The following SFRP2 variants were observed in gnomAD, a reference collection of about 807,000 sequenced individuals.
The protein encoded by SFRP2 is secreted frizzled-related protein 2.
In SFRP2, 16 loss-of-function variants were observed where a neutral mutation model predicts 26.0. The observed-to-expected ratio is 0.61, with a 90% CI of 0.42 to 0.93. The LOEUF is 0.93. Ranked by LOEUF, SFRP2 falls within the 40% of genes least tolerant of loss-of-function variation. The pLI, the probability that SFRP2 is intolerant of heterozygous loss-of-function variation, is 0.00. For missense variants in SFRP2, 343 were observed against 392.4 expected, an observed-to-expected ratio of 0.87 and a Z score of 1.06; for synonymous variants, 173 against 167.3, an observed-to-expected ratio of 1.03 and a Z score of -0.26.
intron 1 of SFRP2, among the ~76,000 whole-genome samples, chr4:153,787,401 A>G (rs1314851168): frequency 2.0e-5 from 3 of 152,248 alleles, no homozygotes. Flanking sequence ...TAGGAAAACT[A>G]CTAGAGATTG....
intron 2 of SFRP2, 150 bp from the exon 3 acceptor site, chr4:153,781,905 G>A: frequency 2.9e-6 from 2 of 687,798 alleles, no homozygotes; most frequent in Admixed American, 2.7e-5. Flanking sequence ...CAGATCGGGG[G>A]TTGGGAGCTA....
Position 153,788,992 on chromosome 4 carries a change from A to C in SFRP2, c.-157T>G. 22 of 692,494 alleles carry C rather than the reference A, an allele frequency of 3.2e-5. No individual in the cohort carries two copies. The highest frequency in any genetic ancestry group is 8.4e-5 in the East Asian group (2 of 23,784). The allele number at this position is 692,494 out of a possible 1,614,324, so 42.9% of individuals were successfully genotyped here. On this transcript the variant is annotated 5_prime_UTR_variant, in exon 1 of 3. Transcript: ENST00000274063. ...CGGCTGGGGCGCGGAGAAGCGGGAC[A>C]CCGGGAGGACAGCGCGGGCGAGGCG...
chr4:153,783,958 G>A (rs191087002), intron 2 of SFRP2, among the ~76,000 whole-genome samples: 3 of 152,240 alleles, frequency 2.0e-5, no homozygotes, highest in African/African-American at 7.2e-5. Flanking sequence ...TGTTTTGAAA[G>A]GCTTTCTCTC....
Position 153,788,427 on chromosome 4 carries a change from G to A in SFRP2, c.409C>T (p.Pro137Ser). ...PVMSAFGFPW[P>S]DMLECDRFPQ... is the part of the protein sequence containing the mutation. ...AAACGGTCGCACTCAAGCATGTCGGGCCAGGGGAAGCCGAAGGCGGACATG... is the reference window on the plus strand; with the variant it reads ...AAACGGTCGCACTCAAGCATGTCGGACCAGGGGAAGCCGAAGGCGGACATG... Residue 137 changes from proline to serine, a missense_variant, in exon 1 of 3, where the codon CCC becomes TCC. Transcript: ENST00000274063. 6.2e-7 allele frequency: 1 copy of A among 1,614,128 alleles called. No homozygotes were observed.
Position 153,788,371 on chromosome 4 carries a change from G to A in SFRP2, c.465C>T (p.Leu155=), listed in dbSNP as rs145111028. The A allele has an allele frequency of 1.3e-4, 202 of 1,613,200 alleles. No homozygotes were observed. Among genetic ancestry groups the A allele is most frequent in the Middle Eastern group, 9.9e-4 (6 of 6,060 alleles). Residue 155 remains leucine (L), a synonymous_variant, in exon 1 of 3, where the codon CTC becomes CTT. Transcript: ENST00000274063. ...FPQDNDLCIP[L]ASSDHLLPAT... The stretch of plus-strand genomic sequence containing the variant: ...CTGGCAGGAGGTGGTCGCTGCTAGC[G>A]AGGGGGATGCAAAGGTCGTTGTCCT...
chr4:153,786,039 G>A (rs1741202725), intron 1 of SFRP2, 95 bp from the exon 2 acceptor site: 1 of 617,752 alleles, frequency 1.6e-6, no homozygotes, highest in Non-Finnish European at 2.7e-6. Context: ...CCAGACAAAA[G>A]TAGCAATTGT....
intron 2 of SFRP2, among the ~76,000 whole-genome samples, chr4:153,785,407 T>C (rs1741186648): frequency 6.6e-6 from 1 of 152,010 alleles, no homozygotes. Flanking sequence ...AAAATCATTA[T>C]GGGTTATAAA....
chr4:153,788,346 C>T lies in SFRP2; in HGVS notation c.490G>A (p.Ala164Thr). ...PLASSDHLLP[A>T]TEEAPKVCEA... Reference sequence around the variant, plus strand: ...AGGGAAGGCTTACCTTCCTCGGTGGCTGGCAGGAGGTGGTCGCTGCTAGCG... The same window carrying T: ...AGGGAAGGCTTACCTTCCTCGGTGGTTGGCAGGAGGTGGTCGCTGCTAGCG... Residue 164 changes from alanine (A) to threonine (T), a missense_variant, in exon 1 of 3, where the codon GCC (alanine) becomes ACC (threonine). Physicochemically the swap from Ala to Thr is moderately conservative, Grantham distance 58 (BLOSUM62 0). Coordinates refer to ENST00000274063, the MANE Select transcript of SFRP2 (RefSeq NM_003013.3). The T allele has an allele frequency of 1.2e-6, 2 of 1,609,898 alleles. No individual in the cohort carries two copies.
intron 1 of SFRP2, among the ~76,000 whole-genome samples, chr4:153,788,019 AT>A (rs888905808): frequency 1.1e-3 from 165 of 151,478 alleles, no homozygotes; most frequent in African/African-American, 3.3e-3. Context: ...TCGTGTATCT[AT>A]TTTTTTTTAA....
Position 153,781,485 on chromosome 4 carries a change from C to G in SFRP2, c.854G>C (p.Arg285Pro). 6.2e-7 allele frequency: 1 copy of G among 1,613,824 alleles called. No individual in the cohort carries two copies. The change falls in exon 3 of 3, where the codon CGC becomes CCC. Residue 285 changes from arginine (R) to proline (P), a missense_variant. This residue lies in a region of SFRP2 where 92 missense variants were observed against 139.0 expected (regional missense o/e 0.66). Transcript: ENST00000274063. ...CAGCTTGCGGATGCTGCGGGAGATG[C>G]GCTTGAACTCTCTCTGCCCCTTCTG... is the stretch of plus-strand genomic sequence containing the variant. ...RWQKGQREFKRISRSIRKLQC is the reference protein window; with the variant it reads ...RWQKGQREFKPISRSIRKLQC
rs1741108934 is a variant in SFRP2, at chr4:153,780,971, T to A, written c.*480A>T. On this transcript the variant is annotated 3_prime_UTR_variant, in exon 3 of 3. Transcript: ENST00000274063. Reference sequence around the variant, plus strand: ...ACACTGAGTCTCAGTCTGGAGCTGATGAAGATGTTGAGATAACAGCCAGCT... The same window carrying A: ...ACACTGAGTCTCAGTCTGGAGCTGAAGAAGATGTTGAGATAACAGCCAGCT... The A allele has an allele frequency of 1.2e-5, 2 of 164,416 alleles. No individual in the cohort carries two copies. The highest frequency in any genetic ancestry group is 1.7e-4 in the East Asian group (1 of 5,950). 10.2% of individuals were successfully genotyped at this position (164,416 alleles called of 1,614,324 possible).
At chr4:153,784,096 A>G (rs2405204) in intron 2 of SFRP2, among the ~76,000 whole-genome samples, 108,481 of 152,100 alleles carry the variant, frequency 0.71, 38,666 homozygotes, top group East Asian at 0.79. Flanking sequence ...GTGTGTGTGC[A>G]TGTTTCCCAA....
intron 1 of SFRP2, among the ~76,000 whole-genome samples, chr4:153,787,971 G>T (rs142800086): frequency 6.6e-6 from 1 of 152,180 alleles, no homozygotes; most frequent in East Asian, 1.9e-4. Context: ...CACTTCCAAC[G>T]CTCTGCGCAG....
chr4:153,785,410 G>GT (rs1741186766), intron 2 of SFRP2, among the ~76,000 whole-genome samples: 1 of 151,852 alleles, frequency 6.6e-6, no homozygotes, highest in South Asian at 2.1e-4. Flanking sequence ...ATCATTATGG[G>GT]TTATAAAGAA....
At chr4:153,785,693 C>T (rs1486616194) in intron 2 of SFRP2, among the ~76,000 whole-genome samples, 171 bp downstream of exon 2, 1 of 151,474 alleles carries the variant, frequency 6.6e-6, no homozygotes, top group Non-Finnish European at 1.5e-5. Context: ...TAGACAGTTA[C>T]ATAAGGAGGA....
chr4:153,789,055 G>C lies in SFRP2; in HGVS notation c.-220C>G. 2 of 514,744 alleles carry C rather than the reference G, an allele frequency of 3.9e-6. No homozygotes were observed. Among genetic ancestry groups the C allele is most frequent in the Non-Finnish European group, 6.6e-6 (2 of 301,718 alleles). 31.9% of individuals were successfully genotyped at this position (514,744 alleles called of 1,614,324 possible). ...GCGCAGCTCCGGGGGGCTCCGACCC[G>C]GGGGAGCAGAATGAGCCGTTGCTGG... is the stretch of plus-strand genomic sequence containing the variant. On this transcript the variant is annotated 5_prime_UTR_variant, in exon 1 of 3. Transcript: ENST00000274063.
At chr4:153,787,845 C>A (rs1741235796) in intron 1 of SFRP2, among the ~76,000 whole-genome samples, 1 of 152,226 alleles carries the variant, frequency 6.6e-6, no homozygotes. Context: ...GTTTTCCTTT[C>A]TGTACAGGAA....
At chr4:153,784,792 A>G (rs374367957) in intron 2 of SFRP2, among the ~76,000 whole-genome samples, 2 of 152,354 alleles carry the variant, frequency 1.3e-5, no homozygotes, top group South Asian at 2.1e-4. Flanking sequence ...GAGTAAGTTC[A>G]GCCTTGTGCC....
At position 153,788,779 on chromosome 4, in the gene SFRP2, C is replaced by T; in HGVS notation, c.57G>A (p.Leu19=). ...LLLFLASHCC[L]GSARGLFLFG... is the part of the protein sequence containing the mutation. ...AGAGGAAGAGCCCGCGCGCCGAGCC[C>T]AGGCAGCAGTGCGAGGCGAGGAAGA... The change falls in exon 1 of 3, where the codon CTG becomes CTA. Residue 19 remains leucine, a synonymous_variant. Transcript: ENST00000274063. 1.9e-6 allele frequency: 3 copies of T among 1,609,820 alleles called. No homozygotes were observed. The South Asian group carries it at 3.3e-5, about 18-fold the overall frequency.
Sources: gnomAD v4.1 joint callset for allele counts (sites outside exome capture counted in the v4.1 genomes callset) on GRCh38, gnomAD v4.1.1 for gene constraint, gnomAD v4.1.1 regional missense constraint, MANE v1.5 for transcripts, NCBI Gene and HGNC (gene_info 2026-07-23, HGNC 2026-07-21) for gene names.